The following MYO7B variants were observed in gnomAD, a reference collection of about 807,000 sequenced individuals.
The protein encoded by MYO7B is myosin VIIB.
Under a neutral mutation model 259.7 loss-of-function variants are expected in MYO7B, and 212 were observed. The ratio of observed to expected loss-of-function variants is 0.82; its 90% CI spans 0.73 to 0.91. The LOEUF (loss-of-function observed/expected upper bound fraction) is 0.91, where lower values mean the gene tolerates loss of function less well. Ranked by LOEUF, MYO7B falls within the 40% of genes least tolerant of loss-of-function variation. MYO7B has a pLI of 0.00. For missense variants in MYO7B, 2,732 were observed against 2,813.5 expected (o/e 0.97, Z 0.66); for synonymous variants, 1,197 against 1,166.4 (o/e 1.03, Z -0.54).
chr2:127,627,085 A>G lies in MYO7B; in HGVS notation c.4326A>G (p.Thr1442=). The G allele has an allele frequency of 6.2e-7, 1 of 1,610,152 alleles. No homozygotes were observed. Among genetic ancestry groups the G allele is most frequent in the Non-Finnish European group, 8.5e-7 (1 of 1,178,730 alleles). Residue 1442 remains threonine, a synonymous_variant, in exon 32 of 48, where the codon ACA becomes ACG. Transcript: ENST00000409816. This position sits in a 1 kb window ranked among gnomAD's most constrained non-coding sequence, Gnocchi z 5.6. ...TCTCCCGGCTCTTCGAAGTCATCAC[A>G]CTCTCAGGTAATGGCATCTGACAGG... ...LLFSRLFEVI[T]LSGPRLPKTQ...
intron 5 of MYO7B, among the ~76,000 whole-genome samples, chr2:127,567,662 G>GATTC (rs111424295): frequency 0.014 from 2,150 of 152,132 alleles, 40 homozygotes; most frequent in African/African-American, 0.045. Context: ...CCACCTGGGG[G>GATTC]ATTCATTCAT....
Position 127,559,073 on chromosome 2 carries a change from G to A in MYO7B, c.-23-627G>A, listed in dbSNP as rs1677953865. ...TGCCAACACTCAGTCAGGGTAACTC[G>A]GGGTTTCCTCCTTTAAATGGGACAA... On this transcript the variant is annotated intron_variant, in intron 1 of 47. Coordinates refer to ENST00000409816, the MANE Select transcript of MYO7B (RefSeq NM_001393586.1). This position sits in a 1 kb window ranked among gnomAD's most constrained non-coding sequence, Gnocchi z 4.1. Among the ~76,000 whole-genome samples, 2 of 152,160 alleles carry A rather than the reference G, an allele frequency of 1.3e-5. No homozygotes were observed.
intron 6 of MYO7B, among the ~76,000 whole-genome samples, chr2:127,570,836 A>G: frequency 6.7e-6 from 1 of 149,914 alleles, no homozygotes; most frequent in Middle Eastern, 3.3e-3. Context: ...CCAGAACGTC[A>G]TAGAAGTAAA....
chr2:127,589,454 T>G (rs1319928860), intron 15 of MYO7B, among the ~76,000 whole-genome samples: 1 of 148,908 alleles, frequency 6.7e-6, no homozygotes, highest in Non-Finnish European at 1.5e-5. Flanking sequence ...GGTCCAGAGT[T>G]TAGATAGGAG....
chr2:127,547,165 C>T (rs1293950169), intron 1 of MYO7B, among the ~76,000 whole-genome samples: 1 of 152,186 alleles, frequency 6.6e-6, no homozygotes, highest in Non-Finnish European at 1.5e-5. Context: ...CTCATCCATC[C>T]ACTCATCCCA....
chr2:127,618,286 A>G (rs1268239912), intron 26 of MYO7B, among the ~76,000 whole-genome samples: 6 of 152,168 alleles, frequency 3.9e-5, no homozygotes, highest in Non-Finnish European at 2.9e-5. Context: ...ATGAAAACTT[A>G]AAACAAAAGA....
At chr2:127,552,064 G>A (rs952224666) in intron 1 of MYO7B, among the ~76,000 whole-genome samples, 2 of 152,198 alleles carry the variant, frequency 1.3e-5, no homozygotes, top group East Asian at 1.9e-4. Flanking sequence ...TCGCAGGAGG[G>A]TGACGGACCA....
chr2:127,632,186 T>A, intron 38 of MYO7B, 60 bp from the exon 39 acceptor site: 1 of 1,550,464 alleles, frequency 6.4e-7, no homozygotes, highest in Non-Finnish European at 8.7e-7. Context: ...CTCCCCAAGG[T>A]GCCTGCCTGG....
chr2:127,636,584 G>A lies in MYO7B; in HGVS notation c.6163G>A (p.Ala2055Thr), dbSNP rs770613848. 8.1e-6 allele frequency: 13 copies of A among 1,612,552 alleles called. No homozygotes were observed. The highest frequency in any genetic ancestry group is 2.7e-5 in the African/African-American group (2 of 74,814). ...TTCCTACCCGGACGTCATCCTCATC[G>A]CCATCAACCGACATGGGGTTCTGCT... is the stretch of plus-strand genomic sequence containing the variant. The part of the protein sequence containing the change: ...EPSYPDVILI[A>T]INRHGVLLIH... Residue 2055 changes from alanine to threonine, a missense_variant, in exon 46 of 48, where the codon GCC becomes ACC. By Grantham distance (58) the Ala-to-Thr change is moderately conservative. Coordinates refer to ENST00000409816, the MANE Select transcript of MYO7B (RefSeq NM_001393586.1). The surrounding 1 kb of genome is among the most constrained non-coding windows in gnomAD (Gnocchi z 4.5).
Position 127,620,484 on chromosome 2 carries a change from G to A in MYO7B, c.3525+18G>A. 6.5e-7 allele frequency: 1 copy of A among 1,545,922 alleles called. No homozygotes were observed. Among genetic ancestry groups the A allele is most frequent in the Non-Finnish European group, 8.8e-7 (1 of 1,136,302 alleles). ...TCATGAAGGTGAGAGGGTTCATGAA[G>A]GGAGGGCGGGCAGGGGGCAGGTTCT... On this transcript the variant is annotated intron_variant, in intron 27 of 47. Transcript: ENST00000409816.
At chr2:127,544,183 C>A (rs998832950) in intron 1 of MYO7B, among the ~76,000 whole-genome samples, 10 of 151,446 alleles carry the variant, frequency 6.6e-5, no homozygotes, top group African/African-American at 2.4e-4. Context: ...CTTAAGTGAT[C>A]CTCCCACCTC....
chr2:127,542,162 G>T (rs1320675210), intron 1 of MYO7B, among the ~76,000 whole-genome samples: 1 of 152,222 alleles, frequency 6.6e-6, no homozygotes, highest in Non-Finnish European at 1.5e-5. Context: ...TCATGGGAAG[G>T]GTATCTCTTG....
In MYO7B at chr2:127,634,571, T is replaced by A. The variant is rs754522324; in HGVS notation, c.5626-25T>A. ...GGACAGTCCCCGGAAGCCACCCAACTTCCCTGTACCTTCCCCTTCCCCAGG... is the reference window on the plus strand; with the variant it reads ...GGACAGTCCCCGGAAGCCACCCAACATCCCTGTACCTTCCCCTTCCCCAGG... On this transcript the variant is annotated intron_variant, in intron 41 of 47. Transcript: ENST00000409816. 16 of 1,597,934 alleles carry A rather than the reference T, an allele frequency of 1.0e-5. No homozygotes were observed. The East Asian group carries it at 3.4e-4, about 34-fold the overall frequency.
chr2:127,636,170 T>C lies in MYO7B; in HGVS notation c.6007-38T>C, dbSNP rs574251565. 1 of 1,552,132 alleles carries C rather than the reference T, an allele frequency of 6.4e-7. No homozygotes were observed. The highest frequency in any genetic ancestry group is 1.7e-5 in the Admixed American group (1 of 58,738). On this transcript the variant is annotated intron_variant, in intron 44 of 47. Transcript: ENST00000409816. The surrounding 1 kb of genome is among the most constrained non-coding windows in gnomAD (Gnocchi z 4.5). ...CCCCACCAGGGCTTTGGAGGGCCTC[T>C]GGGCACCCAAGTCCTTACTGGCCCT...
intron 25 of MYO7B, 53 bp from the exon 26 acceptor site, chr2:127,612,423 T>C (rs964420282): frequency 6.5e-7 from 1 of 1,550,080 alleles, no homozygotes; most frequent in Non-Finnish European, 8.7e-7. Flanking sequence ...AGTTTCCTAC[T>C]TGGCAGATGG....
chr2:127,545,487 G>A (rs962100341), intron 1 of MYO7B, among the ~76,000 whole-genome samples: 1 of 152,184 alleles, frequency 6.6e-6, no homozygotes, highest in Non-Finnish European at 1.5e-5. Context: ...ACCTAGCCTC[G>A]AGCAGCCTCA....
intron 37 of MYO7B, 88 bp downstream of exon 37, chr2:127,631,451 G>T: frequency 6.4e-7 from 1 of 1,551,662 alleles, no homozygotes; most frequent in Non-Finnish European, 8.7e-7. Flanking sequence ...GTGCTCTAGG[G>T]CAGGAGAGCC....
chr2:127,625,284 C>T (rs2245297), intron 30 of MYO7B, 84 bp from the exon 31 acceptor site: 808,408 of 1,398,020 alleles, frequency 0.58, 241,223 homozygotes, highest in African/African-American at 0.91. Context: ...GGGCAAGAGC[C>T]CGGCCACGGG....
chr2:127,631,041 A>G (rs1681469667), intron 36 of MYO7B, 133 bp downstream of exon 36: 2 of 1,350,054 alleles, frequency 1.5e-6, no homozygotes, highest in African/African-American at 1.5e-5. Flanking sequence ...CACGCCACCC[A>G]TGTGGAGCCT....
Sources: allele counts gnomAD v4.1 joint callset (sites outside exome capture counted in the v4.1 genomes callset), GRCh38; gene constraint gnomAD v4.1.1; non-coding constraint Gnocchi (gnomAD v3.1); transcripts MANE v1.5; gene names NCBI Gene and HGNC (gene_info 2026-07-23, HGNC 2026-07-21).